UFD1: variants seen among roughly 807,000 people sequenced by gnomAD.
The protein encoded by UFD1 is ubiquitin recognition factor in ER-associated degradation protein 1.
UFD1 carries 13 observed loss-of-function variants against 45.9 expected under a neutral mutation model. That is an observed-to-expected ratio of 0.28 (90% confidence interval 0.18 to 0.45). The LOEUF (loss-of-function observed/expected upper bound fraction) is 0.45. Among genes scored for constraint, UFD1 ranks in the 20% least tolerant of loss-of-function variants. The pLI, the probability that UFD1 is intolerant of heterozygous loss-of-function variation, is 1.00. For missense variants in UFD1, 218 were observed against 389.2 expected, an observed-to-expected ratio of 0.56 and a Z score of 3.70; for synonymous variants, 128 against 139.2, an observed-to-expected ratio of 0.92 and a Z score of 0.56.
chr22:19,470,449 T>TG (rs1364076183), intron 4 of UFD1, among the ~76,000 whole-genome samples: 23 of 150,678 alleles, frequency 1.5e-4, no homozygotes, highest in Admixed American at 1.2e-3. Flanking sequence ...TTATTGTTGT[T>TG]TTTTTTTTTT....
intron 3 of UFD1, among the ~76,000 whole-genome samples, chr22:19,473,489 G>C (rs889250848): frequency 6.6e-6 from 1 of 152,208 alleles, no homozygotes; most frequent in Non-Finnish European, 1.5e-5. Context: ...TGTGCCAAGG[G>C]TCACCCCTGG....
At chr22:19,465,417 A>G in intron 5 of UFD1, 143 bp from the exon 6 acceptor site, 1 of 644,586 alleles carries the variant, frequency 1.6e-6, no homozygotes, top group African/African-American at 1.8e-5. Flanking sequence ...ATAAAGTACT[A>G]CTTGGCAATA....
At chr22:19,478,995 C>T in intron 1 of UFD1, 88 bp downstream of exon 1, 1 of 1,500,582 alleles carries the variant, frequency 6.7e-7, no homozygotes, top group Middle Eastern at 2.2e-4. Context: ...GCACCTCCGC[C>T]GCCGTCCCGC....
Position 19,458,222 on chromosome 22 carries a change from G to A in UFD1, c.496-83C>T, listed in dbSNP as rs2089738505. 11 of 1,458,318 alleles carry A rather than the reference G, an allele frequency of 7.5e-6. No homozygotes were observed. In the East Asian group the frequency reaches 1.8e-4, roughly 24 times the overall value. The allele number at this position is 1,458,318 out of a possible 1,614,324, so 90.3% of individuals were successfully genotyped here. On this transcript the variant is annotated intron_variant, in intron 6 of 11. Transcript: ENST00000263202. ...CTGTCCATGTTACTGTGGCTCTACT[G>A]GCTCCTGCGAATGACACAGCATTCA...
At chr22:19,474,780 TG>T (rs1363230957) in intron 3 of UFD1, among the ~76,000 whole-genome samples, 1 of 151,972 alleles carries the variant, frequency 6.6e-6, no homozygotes, top group Non-Finnish European at 1.5e-5. Context: ...TGAGAACAGT[TG>T]GGGGGTGGGT....
chr22:19,472,616 G>C (rs750885359), intron 3 of UFD1, among the ~76,000 whole-genome samples: 14 of 152,348 alleles, frequency 9.2e-5, no homozygotes, highest in South Asian at 2.1e-4. Context: ...GAAAACCCAG[G>C]AGACACTGGG....
intron 5 of UFD1, chr22:19,465,930 G>A (rs527303669): frequency 1.3e-5 from 2 of 152,338 alleles, no homozygotes; most frequent in East Asian, 3.9e-4. Context: ...CAGTAAAACT[G>A]TAGAACCCAA....
At chr22:19,463,054 A>G (rs2089778406) in intron 6 of UFD1, among the ~76,000 whole-genome samples, 1 of 152,104 alleles carries the variant, frequency 6.6e-6, no homozygotes, top group Non-Finnish European at 1.5e-5. Context: ...ACCTCTCTGT[A>G]TTTGGTATTT....
chr22:19,471,543 TTC>T lies in UFD1; in HGVS notation c.291+142_291+143del, dbSNP rs980219291. 1.4e-5 allele frequency: 18 copies of T among 1,264,322 alleles called. No homozygotes were observed. The Middle Eastern group carries it at 5.8e-4, about 41-fold the overall frequency. The allele number at this position is 1,264,322 out of a possible 1,614,324, so 78.3% of individuals were successfully genotyped here. ...GGCACAGTGCACTGCTCTGGATCCC[TTC>T]TCTCTCGCTGGGTCGGCTCAGGCTA... On this transcript the variant is annotated intron_variant, in intron 4 of 11. Coordinates refer to ENST00000263202, the MANE Select transcript of UFD1 (RefSeq NM_005659.7).
At chr22:19,469,291 C>T (rs1000095856) in intron 4 of UFD1, among the ~76,000 whole-genome samples, 8 of 152,028 alleles carry the variant, frequency 5.3e-5, no homozygotes, top group Admixed American at 3.3e-4. Flanking sequence ...AATTTGTCAG[C>T]GAGGGGAAGG....
chr22:19,472,348 T>C (rs1351212722), intron 3 of UFD1, among the ~76,000 whole-genome samples: 1 of 151,998 alleles, frequency 6.6e-6, no homozygotes, highest in African/African-American at 2.4e-5. Context: ...AAATGGTGGA[T>C]AATTAGGCAA....
intron 4 of UFD1, among the ~76,000 whole-genome samples, chr22:19,469,732 AGATG>A (rs565598728): frequency 1.3e-5 from 2 of 152,350 alleles, no homozygotes; most frequent in African/African-American, 4.8e-5. Context: ...CCAAGACAGC[AGATG>A]GGGTATACCT....
At chr22:19,461,432 C>T (rs2089765629) in intron 6 of UFD1, among the ~76,000 whole-genome samples, 1 of 152,338 alleles carries the variant, frequency 6.6e-6, no homozygotes, top group East Asian at 1.9e-4. Flanking sequence ...CACTGGCCTA[C>T]TTGTCTACTC....
rs768226645 is a variant in UFD1 at position 19,479,055 on chromosome 22, C to T, written c.3+28G>A. On this transcript the variant is annotated intron_variant, in intron 1 of 11. Coordinates refer to ENST00000263202, the MANE Select transcript of UFD1 (RefSeq NM_005659.7). ...CCTCAGGCCCCGGGCCAAGGCCCAG[C>T]CCCCGCCCGCTGCCCGTCAGCGCTT... 5.0e-6 allele frequency: 8 copies of T among 1,609,314 alleles called. No homozygotes were observed. In the South Asian group the frequency reaches 6.6e-5, roughly 13 times the overall value.
rs754433952 is a variant in UFD1 at position 19,465,186 on chromosome 22, C to T, written c.495+16G>A. The T allele has an allele frequency of 2.8e-5, 45 of 1,613,552 alleles. No individual in the cohort carries two copies. Among genetic ancestry groups the T allele is most frequent in the Non-Finnish European group, 3.7e-5 (44 of 1,179,552 alleles). ...GGTGGCTCTTGTCAGGAATGACCTGCATGAACTGGGCTCACCTTTTCATTA... is the reference window on the plus strand; with the variant it reads ...GGTGGCTCTTGTCAGGAATGACCTGTATGAACTGGGCTCACCTTTTCATTA... On this transcript the variant is annotated intron_variant, in intron 6 of 11. Transcript: ENST00000263202.
Position 19,458,058 on chromosome 22 carries a change from C to G in UFD1, c.564+13G>C. ...AGGGCCCAGGCTCACTGTAACTGGA[C>G]AGAGCCACTCACGTTCATGTCACAC... On this transcript the variant is annotated intron_variant, in intron 7 of 11. Coordinates refer to ENST00000263202, the MANE Select transcript of UFD1 (RefSeq NM_005659.7). 1 of 1,614,070 alleles carries G rather than the reference C, an allele frequency of 6.2e-7. No homozygotes were observed.
rs1170076494 is a variant in UFD1, at chr22:19,458,077, G to A, written c.558C>T (p.Asp186=). Residue 186 remains aspartate (D), a synonymous_variant, in exon 7 of 12, where the codon GAC becomes GAT. Coordinates refer to ENST00000263202, the MANE Select transcript of UFD1 (RefSeq NM_005659.7). ...PDKAVSIIEC[D]MNVDFDAPLG... ...ACTGGACAGAGCCACTCACGTTCAT[G>A]TCACACTCAATGATGGACACTGCCT... The A allele has an allele frequency of 1.2e-6, 2 of 1,614,140 alleles. No individual in the cohort carries two copies. Among genetic ancestry groups the A allele is most frequent in the South Asian group, 2.2e-5 (2 of 91,088 alleles).
At chr22:19,470,279 G>A (rs2089834366) in intron 4 of UFD1, among the ~76,000 whole-genome samples, 1 of 152,188 alleles carries the variant, frequency 6.6e-6, no homozygotes, top group Non-Finnish European at 1.5e-5. Flanking sequence ...GCACTAGGAG[G>A]TGCAATGGGA....
rs758035416 is a variant in UFD1, at chr22:19,456,569, A to G, written c.678+18T>C. On this transcript the variant is annotated intron_variant, in intron 9 of 11. Transcript: ENST00000263202. Reference sequence around the variant, plus strand: ...AGCAGAGGGCACAGCAATATAAGTCAAGTGGTCTGGTACTCACGCGGAAGC... The same window carrying G: ...AGCAGAGGGCACAGCAATATAAGTCGAGTGGTCTGGTACTCACGCGGAAGC... The G allele has an allele frequency of 6.2e-7, 1 of 1,614,150 alleles. No individual in the cohort carries two copies.
Sources: allele counts gnomAD v4.1 joint callset (sites outside exome capture counted in the v4.1 genomes callset), GRCh38; gene constraint gnomAD v4.1.1; transcripts MANE v1.5; gene names NCBI Gene and HGNC (gene_info 2026-07-23, HGNC 2026-07-21).